ARHGAP15: variants seen among roughly 807,000 people sequenced by gnomAD.
The protein encoded by ARHGAP15 is rho GTPase-activating protein 15.
ARHGAP15 carries 51 observed loss-of-function variants against 63.7 expected under a neutral mutation model. The observed-to-expected ratio is 0.80, with a 90% CI of 0.64 to 1.01. ARHGAP15 has a LOEUF of 1.01. Ranked by LOEUF, ARHGAP15 falls within the 50% of genes least tolerant of loss-of-function variation. The probability of loss-of-function intolerance (pLI) is 0.00; values close to 1 mark genes in which losing one functional copy is unlikely to be tolerated. For synonymous variants in ARHGAP15, 191 were observed against 193.8 expected (o/e 0.99, Z 0.12); for missense variants, 560 against 564.6 (o/e 0.99, Z 0.08).
chr2:143,574,317 T>G (rs1361046913), intron 11 of ARHGAP15, among the ~76,000 whole-genome samples: 1 of 152,096 alleles, frequency 6.6e-6, no homozygotes, highest in Non-Finnish European at 1.5e-5. Flanking sequence ...CCCAAAGACC[T>G]TCCTTATTGT....
chr2:143,367,383 T>C (rs1314485944), intron 6 of ARHGAP15, among the ~76,000 whole-genome samples: 3 of 152,002 alleles, frequency 2.0e-5, no homozygotes, highest in Admixed American at 1.3e-4. Flanking sequence ...CCATCTTTCC[T>C]TTATCATGTT....
intron 6 of ARHGAP15, among the ~76,000 whole-genome samples, chr2:143,293,322 C>T (rs1022847735): frequency 3.9e-5 from 6 of 152,074 alleles, no homozygotes; most frequent in African/African-American, 1.4e-4. Context: ...ATTAGGTCCT[C>T]ATACATGCCA....
intron 6 of ARHGAP15, among the ~76,000 whole-genome samples, chr2:143,429,122 T>C (rs1172981124): frequency 6.6e-6 from 1 of 152,080 alleles, no homozygotes; most frequent in Non-Finnish European, 1.5e-5. Context: ...TGCTAAACTA[T>C]CTACTAATTA....
chr2:143,634,783 T>G (rs1462839541), intron 12 of ARHGAP15, among the ~76,000 whole-genome samples: 1 of 152,154 alleles, frequency 6.6e-6, no homozygotes, highest in African/African-American at 2.4e-5. Context: ...TCTCATGACA[T>G]TTCTCCTTTG....
intron 2 of ARHGAP15, among the ~76,000 whole-genome samples, chr2:143,183,456 A>G (rs1301954605): frequency 6.6e-6 from 1 of 152,230 alleles, no homozygotes; most frequent in Admixed American, 6.5e-5. Flanking sequence ...CAATCAGGAA[A>G]GTGAAAACAG....
chr2:143,390,236 G>A (rs557092224), intron 6 of ARHGAP15, among the ~76,000 whole-genome samples: 10 of 152,204 alleles, frequency 6.6e-5, no homozygotes, highest in South Asian at 2.1e-4. Context: ...TGACATAAAC[G>A]TTACATGGCT....
chr2:143,628,860 A>G (rs1698949001), intron 12 of ARHGAP15, among the ~76,000 whole-genome samples: 1 of 152,180 alleles, frequency 6.6e-6, no homozygotes, highest in African/African-American at 2.4e-5. Context: ...ATGTCATGGT[A>G]CATGTTGTCA....
intron 6 of ARHGAP15, among the ~76,000 whole-genome samples, chr2:143,409,940 T>C (rs1021353615): frequency 1.1e-4 from 16 of 152,126 alleles, no homozygotes; most frequent in African/African-American, 3.9e-4. Context: ...GTGACTGTAC[T>C]TTGAATGCTG....
chr2:143,171,121 A>G (rs985409825), intron 2 of ARHGAP15, among the ~76,000 whole-genome samples: 1 of 152,150 alleles, frequency 6.6e-6, no homozygotes, highest in Non-Finnish European at 1.5e-5. Flanking sequence ...CATAAAGCTA[A>G]AGGAGCTGAA....
In ARHGAP15 at chr2:143,389,137, T is replaced by TTATTA. The variant is rs1558938612; in HGVS notation, c.475-46463_475-46462insATTAT. Among the ~76,000 whole-genome samples, 6 of 145,528 alleles carry TTATTA rather than the reference T, an allele frequency of 4.1e-5. No individual in the cohort carries two copies. The South Asian group carries it at 6.4e-4, about 16-fold the overall frequency. On this transcript the variant is annotated intron_variant, in intron 6 of 13. Coordinates refer to ENST00000295095, the MANE Select transcript of ARHGAP15 (RefSeq NM_018460.4). ...TATTATTATTATTATTATTATTATT[T>TTATTA]TTTATTATTATTATTTTACAAATTG...
At chr2:143,557,986 G>A (rs964627149) in intron 11 of ARHGAP15, among the ~76,000 whole-genome samples, 1 of 151,934 alleles carries the variant, frequency 6.6e-6, no homozygotes, top group South Asian at 2.1e-4. Context: ...AACAGTAGGG[G>A]GATGCCTTGG....
At chr2:143,648,723 T>C (rs1681014772) in intron 12 of ARHGAP15, 1 of 152,006 alleles carries the variant, frequency 6.6e-6, no homozygotes, top group Non-Finnish European at 1.5e-5. Context: ...TTGTATCCAG[T>C]ATGGTAGCAG....
At chr2:143,627,246 T>G (rs2105247055) in intron 12 of ARHGAP15, among the ~76,000 whole-genome samples, 1 of 152,256 alleles carries the variant, frequency 6.6e-6, no homozygotes, top group East Asian at 1.9e-4. Context: ...AACAGAATAG[T>G]AGAATGTCAT....
At chr2:143,611,983 TCTAA>T (rs1160407843) in intron 11 of ARHGAP15, among the ~76,000 whole-genome samples, 2 of 152,208 alleles carry the variant, frequency 1.3e-5, no homozygotes, top group Non-Finnish European at 2.9e-5. Context: ...TCCAGGGTCT[TCTAA>T]CTAATTTGCA....
intron 11 of ARHGAP15, among the ~76,000 whole-genome samples, chr2:143,569,125 C>A (rs1574646000): frequency 6.6e-6 from 1 of 151,924 alleles, no homozygotes; most frequent in East Asian, 1.9e-4. Context: ...AACAAGCCTG[C>A]ACGTTGTGCA....
chr2:143,387,887 ACATACACATACACGCATGCCTG>A (rs1410471959), intron 6 of ARHGAP15, among the ~76,000 whole-genome samples: 2 of 149,734 alleles, frequency 1.3e-5, no homozygotes, highest in Admixed American at 6.7e-5. Flanking sequence ...GCATGCGTGC[ACATACACATACACGCATGCCTG>A]CACACACACA....
chr2:143,304,050 T>C (rs111565636), intron 6 of ARHGAP15, among the ~76,000 whole-genome samples: 3 of 152,274 alleles, frequency 2.0e-5, no homozygotes, highest in African/African-American at 7.2e-5. Flanking sequence ...GTGTGGCGAT[T>C]CCTCAAGGAT....
intron 6 of ARHGAP15, among the ~76,000 whole-genome samples, chr2:143,341,947 T>C (rs1419735163): frequency 6.6e-6 from 1 of 152,142 alleles, no homozygotes; most frequent in Non-Finnish European, 1.5e-5. Flanking sequence ...AGTTATATAG[T>C]TTCAAACTTA....
chr2:143,346,250 TCACACACACA>T (rs138964635), intron 6 of ARHGAP15, among the ~76,000 whole-genome samples: 11 of 138,750 alleles, frequency 7.9e-5, no homozygotes, highest in South Asian at 7.4e-4. Context: ...ACACACACAC[TCACACACACA>T]CACACACACA....
Sources: allele counts gnomAD v4.1 joint callset (sites outside exome capture counted in the v4.1 genomes callset), GRCh38; gene constraint gnomAD v4.1.1; transcripts MANE v1.5; gene names NCBI Gene and HGNC (gene_info 2026-07-23, HGNC 2026-07-21).